Variants in HYCC1 observed in about 807,000 individuals in gnomAD.
HYCC1 encodes the protein hyccin.
chr7:22,996,597 TAAAAAAAAAAAAAA>T, the HYCC1 span, among the ~76,000 whole-genome samples: 21 of 106,554 alleles, frequency 2.0e-4, 1 homozygote, highest in Non-Finnish European at 3.3e-4. Flanking sequence ...GTACAATTGT[TAAAAAAAAAAAAAA>T]AAAAAAAAAA....
chr7:23,010,175 G>C, the HYCC1 span, among the ~76,000 whole-genome samples: 2 of 152,270 alleles, frequency 1.3e-5, no homozygotes, highest in East Asian at 3.9e-4. Flanking sequence ...TGATAACAAA[G>C]AAATATACTG....
chr7:22,967,971 C>G, the HYCC1 span, among the ~76,000 whole-genome samples: 1 of 152,146 alleles, frequency 6.6e-6, no homozygotes. Context: ...TCCCTCTTCC[C>G]TTTAGGAACT....
the HYCC1 span, among the ~76,000 whole-genome samples, chr7:22,981,904 T>C: frequency 2.8e-4 from 42 of 152,190 alleles, no homozygotes; most frequent in Non-Finnish European, 1.3e-4. Flanking sequence ...CCATCATCAC[T>C]AGTAGTTTGA....
At chr7:22,994,701 T>C in the HYCC1 span, among the ~76,000 whole-genome samples, 6 of 152,060 alleles carry the variant, frequency 3.9e-5, no homozygotes, top group Non-Finnish European at 8.8e-5. Context: ...AACTTCTCTG[T>C]CTCCTGCAGA....
At chr7:22,906,523 A>G in the HYCC1 span, among the ~76,000 whole-genome samples, 1 of 151,702 alleles carries the variant, frequency 6.6e-6, no homozygotes, top group African/African-American at 2.4e-5. Context: ...GGTTGCAGTG[A>G]GCCAAGATCG....
the HYCC1 span, among the ~76,000 whole-genome samples, chr7:22,975,370 T>C: frequency 1.3e-5 from 2 of 152,204 alleles, no homozygotes; most frequent in South Asian, 4.1e-4. Context: ...CAGGAAATCA[T>C]ACCATACATA....
At chr7:22,929,085 T>C in the HYCC1 span, among the ~76,000 whole-genome samples, 1 of 152,140 alleles carries the variant, frequency 6.6e-6, no homozygotes, top group African/African-American at 2.4e-5. Flanking sequence ...AAACAAGCAA[T>C]GGGGAAAGGA....
At chr7:22,992,812 G>C in the HYCC1 span, among the ~76,000 whole-genome samples, 2 of 151,836 alleles carry the variant, frequency 1.3e-5, no homozygotes, top group African/African-American at 4.8e-5. Context: ...GAAATGGGGA[G>C]GTAAAATTTT....
chr7:22,940,236 G>GTTTTTTTTTTTTTTTTTTTTTTT, the HYCC1 span: 2 of 87,174 alleles, frequency 2.3e-5, no homozygotes, highest in African/African-American at 5.1e-5. Flanking sequence ...AATAGGTTCT[G>GTTTTTTTTTTTTTTTTTTTTTTT]TTTTTTTTTT....
the HYCC1 span, chr7:22,944,928 A>G: frequency 6.6e-6 from 1 of 152,332 alleles, no homozygotes; most frequent in South Asian, 2.1e-4. Flanking sequence ...GCCTCTAGCC[A>G]TCCCCTGGAA....
At chr7:22,970,205 T>G in the HYCC1 span, among the ~76,000 whole-genome samples, 1 of 137,656 alleles carries the variant, frequency 7.3e-6, no homozygotes, top group Admixed American at 7.2e-5. Flanking sequence ...TATCAGAGGC[T>G]GAAATTAAAC....
the HYCC1 span, chr7:22,977,331 T>A: frequency 6.6e-7 from 1 of 1,503,912 alleles, no homozygotes; most frequent in African/African-American, 1.4e-5. Context: ...TGTGATAAAA[T>A]GTCACTTACT....
the HYCC1 span, among the ~76,000 whole-genome samples, chr7:22,972,925 CTAAT>C: frequency 3.9e-5 from 6 of 152,136 alleles, no homozygotes; most frequent in Admixed American, 3.9e-4. Flanking sequence ...ATTTTCATAA[CTAAT>C]TAAAATCAGA....
chr7:23,007,799 C>G, the HYCC1 span, among the ~76,000 whole-genome samples: 1 of 152,048 alleles, frequency 6.6e-6, no homozygotes, highest in Non-Finnish European at 1.5e-5. Flanking sequence ...ACTTGGAAAT[C>G]TAACACAATT....
At chr7:22,948,683 G>A in the HYCC1 span, among the ~76,000 whole-genome samples, 6 of 151,938 alleles carry the variant, frequency 3.9e-5, no homozygotes, top group African/African-American at 1.5e-4. Flanking sequence ...ATGGTGCCTC[G>A]CACTGCTGAG....
chr7:22,918,145 C>T, the HYCC1 span, among the ~76,000 whole-genome samples: 1 of 152,140 alleles, frequency 6.6e-6, no homozygotes, highest in Non-Finnish European at 1.5e-5. Context: ...CCCCAAAACT[C>T]GCCAACCAAG....
the HYCC1 span, among the ~76,000 whole-genome samples, chr7:23,000,474 A>G: frequency 1.3e-5 from 2 of 152,200 alleles, no homozygotes; most frequent in South Asian, 2.1e-4. Context: ...ACATACATGT[A>G]TACATAGTCC....
the HYCC1 span, among the ~76,000 whole-genome samples, chr7:22,994,418 C>T: frequency 6.6e-6 from 1 of 151,976 alleles, no homozygotes; most frequent in Non-Finnish European, 1.5e-5. Flanking sequence ...TCTTGAGGGG[C>T]CTATCTTGTC....
chr7:22,969,869 A>G, the HYCC1 span, among the ~76,000 whole-genome samples: 22 of 152,134 alleles, frequency 1.4e-4, no homozygotes, highest in African/African-American at 5.3e-4. Context: ...TGGTTGCCAT[A>G]GGAAGAGTCC....
Sources: allele counts gnomAD v4.1 joint callset (sites outside exome capture counted in the v4.1 genomes callset), GRCh38; gene constraint gnomAD v4.1.1; transcripts MANE v1.5; gene names NCBI Gene and HGNC (gene_info 2026-07-23, HGNC 2026-07-21).